ASTN2: variants seen among roughly 807,000 people sequenced by gnomAD.
ASTN2 encodes astrotactin-2.
ASTN2 carries 54 observed loss-of-function variants against 139.8 expected under a neutral mutation model. The observed-to-expected ratio is 0.39, with a 90% CI of 0.31 to 0.48. ASTN2 has a LOEUF of 0.48. ASTN2 is among the 20% of genes least tolerant of loss of function. ASTN2 has a pLI of 0.95. For synonymous variants in ASTN2, 756 were observed against 719.5 expected, an observed-to-expected ratio of 1.05 and a Z score of -0.81; for missense variants, 1,565 against 1,725.1, an observed-to-expected ratio of 0.91 and a Z score of 1.64.
At chr9:116,662,092 G>A (rs970891538) in intron 16 of ASTN2, among the ~76,000 whole-genome samples, 4 of 151,820 alleles carry the variant, frequency 2.6e-5, no homozygotes, top group Non-Finnish European at 5.9e-5. Flanking sequence ...TCAGCTTCAC[G>A]TGCCATGCCT....
intron 2 of ASTN2, among the ~76,000 whole-genome samples, chr9:117,273,907 A>G (rs1338340402): frequency 6.6e-6 from 1 of 151,976 alleles, no homozygotes; most frequent in East Asian, 1.9e-4. Context: ...CTATGTCACA[A>G]CCTCATTTTT....
intron 13 of ASTN2, among the ~76,000 whole-genome samples, chr9:116,777,391 A>G (rs1480884197): frequency 6.6e-6 from 1 of 152,136 alleles, no homozygotes. Context: ...TTTTGCTTAT[A>G]AGGAACTGAA....
Position 117,175,068 on chromosome 9 carries a change from T to A in ASTN2, c.1016-33590A>T, listed in dbSNP as rs961332739. On this transcript the variant is annotated intron_variant, in intron 3 of 22. Transcript: ENST00000313400. Reference sequence around the variant, plus strand: ...ATGTCATTTTTTCCACATGAAAATTTAAAAAAAATCTAGAGGCTAAAAGTA... The same window carrying A: ...ATGTCATTTTTTCCACATGAAAATTAAAAAAAAATCTAGAGGCTAAAAGTA... Among the ~76,000 whole-genome samples the A allele has an allele frequency of 8.4e-4, 128 of 151,940 alleles. 1 individual carries two copies. Among genetic ancestry groups the A allele is most frequent in the Non-Finnish European group, 1.5e-3 (99 of 67,874 alleles).
At chr9:117,043,345 G>T (rs1015824196) in intron 5 of ASTN2, among the ~76,000 whole-genome samples, 1 of 152,114 alleles carries the variant, frequency 6.6e-6, no homozygotes, top group Admixed American at 6.5e-5. Context: ...AGTGAGTCAT[G>T]GATAATAGCA....
At chr9:116,911,876 G>A (rs1834320683) in intron 10 of ASTN2, among the ~76,000 whole-genome samples, 1 of 152,064 alleles carries the variant, frequency 6.6e-6, no homozygotes, top group South Asian at 2.1e-4. Context: ...CTGGGCAGCA[G>A]AGGGAAACTC....
At chr9:117,181,745 A>G (rs897420889) in intron 3 of ASTN2, among the ~76,000 whole-genome samples, 2 of 152,232 alleles carry the variant, frequency 1.3e-5, no homozygotes, top group African/African-American at 2.4e-5. Flanking sequence ...ATCCATAGCA[A>G]GTACAAAGCA....
chr9:116,577,354 C>A (rs1853762844), intron 19 of ASTN2, among the ~76,000 whole-genome samples: 1 of 151,994 alleles, frequency 6.6e-6, no homozygotes, highest in Non-Finnish European at 1.5e-5. Context: ...CATGGAAAAA[C>A]CCCATCTCTA....
chr9:117,282,229 G>C (rs532248585), intron 2 of ASTN2, among the ~76,000 whole-genome samples: 1 of 152,252 alleles, frequency 6.6e-6, no homozygotes, highest in South Asian at 2.1e-4. Flanking sequence ...GTATAGAATA[G>C]TTTCTCAATC....
intron 10 of ASTN2, among the ~76,000 whole-genome samples, chr9:116,902,496 C>A (rs76197083): frequency 6.6e-6 from 1 of 152,032 alleles, no homozygotes; most frequent in Admixed American, 6.6e-5. Context: ...TACACAAATA[C>A]CATTGTGTTA....
At chr9:117,233,475 A>C (rs1387904579) in intron 2 of ASTN2, among the ~76,000 whole-genome samples, 3 of 152,168 alleles carry the variant, frequency 2.0e-5, no homozygotes, top group Non-Finnish European at 4.4e-5. Flanking sequence ...AGCTTTGCAA[A>C]TTACTAAGGG....
At position 117,243,524 on chromosome 9, in the gene ASTN2, C is replaced by T. The variant is rs571469990; in HGVS notation, c.631-28782G>A. ...TCCTGGAAGTTATTAATTACTGATG[C>T]CTCACTATGTACCGGAAGCCCTGCT... On this transcript the variant is annotated intron_variant, in intron 2 of 22. Coordinates refer to ENST00000313400, the MANE Select transcript of ASTN2 (RefSeq NM_001365068.1). Among the ~76,000 whole-genome samples, 65 of 152,256 alleles carry T rather than the reference C, an allele frequency of 4.3e-4. 3 individuals carry two copies. The South Asian group carries it at 0.013, about 30-fold the overall frequency.
intron 4 of ASTN2, among the ~76,000 whole-genome samples, chr9:117,111,994 G>A (rs1829261878): frequency 6.6e-6 from 1 of 150,786 alleles, no homozygotes; most frequent in South Asian, 2.1e-4. Flanking sequence ...TCTACATACT[G>A]GCAGCAAAAG....
At chr9:116,497,091 C>T (rs928689570) in intron 19 of ASTN2, among the ~76,000 whole-genome samples, 1 of 152,150 alleles carries the variant, frequency 6.6e-6, no homozygotes, top group African/African-American at 2.4e-5. Flanking sequence ...CCTTCAATCT[C>T]TCATAAGGCT....
chr9:117,253,381 G>C (rs1319939557), intron 2 of ASTN2, among the ~76,000 whole-genome samples: 1 of 152,202 alleles, frequency 6.6e-6, no homozygotes, highest in Admixed American at 6.5e-5. Flanking sequence ...GGCAAACAGA[G>C]CTCCAGGCTA....
intron 6 of ASTN2, among the ~76,000 whole-genome samples, chr9:117,025,003 C>G (rs1212506535): frequency 6.6e-6 from 1 of 152,108 alleles, no homozygotes; most frequent in Non-Finnish European, 1.5e-5. Context: ...TCCTCCTTGC[C>G]TTCTGCCATG....
At chr9:116,586,837 C>CACACACACACATACAT (rs1554717130) in intron 19 of ASTN2, among the ~76,000 whole-genome samples, 18 of 149,338 alleles carry the variant, frequency 1.2e-4, no homozygotes, top group South Asian at 2.2e-4. Flanking sequence ...TACATACACA[C>CACACACACACATACAT]ACACACACAC....
intron 20 of ASTN2, among the ~76,000 whole-genome samples, chr9:116,462,527 G>A (rs968955820): frequency 1.3e-5 from 2 of 152,098 alleles, no homozygotes; most frequent in African/African-American, 4.8e-5. Context: ...CCTTACAAGG[G>A]GCAGGTGTAG....
chr9:116,613,157 C>T (rs1855640834), intron 19 of ASTN2: 1 of 152,096 alleles, frequency 6.6e-6, no homozygotes, highest in South Asian at 2.1e-4. Flanking sequence ...CATACAGCCT[C>T]CTCCCAAGAC....
intron 5 of ASTN2, among the ~76,000 whole-genome samples, chr9:117,056,982 A>T (rs1298857941): frequency 6.6e-6 from 1 of 152,244 alleles, no homozygotes; most frequent in Non-Finnish European, 1.5e-5. Context: ...TTGACTTCAC[A>T]AGATTACTTA....
Sources: gnomAD v4.1 joint callset for allele counts (sites outside exome capture counted in the v4.1 genomes callset) on GRCh38, gnomAD v4.1.1 for gene constraint, MANE v1.5 for transcripts, NCBI Gene and HGNC (gene_info 2026-07-23, HGNC 2026-07-21) for gene names.